Variants in PRR11 observed in about 807,000 individuals in gnomAD.
PRR11 encodes proline rich 11, also known as proline-rich protein 11.
A neutral mutation model predicts 45.6 loss-of-function variants in PRR11; 30 were observed. The ratio of observed to expected loss-of-function variants is 0.66; its 90% CI spans 0.49 to 0.89. The LOEUF is 0.89. Among genes scored for constraint, PRR11 ranks in the 40% least tolerant of loss-of-function variants. The pLI is 0.00. For synonymous variants in PRR11, 128 were observed against 153.5 expected, an observed-to-expected ratio of 0.83 and a Z score of 1.23; for missense variants, 373 against 424.8, an observed-to-expected ratio of 0.88 and a Z score of 1.07.
In PRR11 at chr17:59,181,684, G is replaced by A. The variant is rs908141834; in HGVS notation, c.129-3370G>A. The A allele has an allele frequency of 8.9e-5, 138 of 1,547,816 alleles. 2 individuals are homozygous for A. The South Asian group carries it at 1.4e-3, about 16-fold the overall frequency. ...CTCCGATGACTCCTCAGATTGGTCC[G>A]ACCACTCCCTCTTCCTTTTCCAGCA... On this transcript the variant is annotated intron_variant, in intron 2 of 9. Transcript: ENST00000262293.
At chr17:59,186,688 C>A (rs1234030151) in intron 4 of PRR11, among the ~76,000 whole-genome samples, 1 of 152,040 alleles carries the variant, frequency 6.6e-6, no homozygotes, top group Admixed American at 6.6e-5. Flanking sequence ...AGCCATGGCA[C>A]CTGGCTTGTT....
At chr17:59,172,622 C>T (rs780251957) in intron 2 of PRR11, among the ~76,000 whole-genome samples, 3 of 152,246 alleles carry the variant, frequency 2.0e-5, no homozygotes, top group South Asian at 2.1e-4. Flanking sequence ...TCTGAGCTGT[C>T]GGCTGCCCCG....
At position 59,181,799 on chromosome 17, in the gene PRR11, A is replaced by AGACCCC. The variant is rs890293231; in HGVS notation, c.129-3242_129-3237dup. ...TAATGCTTCTGCAACTGATCACCTT[A>AGACCCC]GACCCCGACCCCGACCCCAACCCCA... is the stretch of plus-strand genomic sequence containing the variant. On this transcript the variant is annotated intron_variant, in intron 2 of 9. Coordinates refer to ENST00000262293, the MANE Select transcript of PRR11 (RefSeq NM_018304.4). 135 of 1,544,018 alleles carry AGACCCC rather than the reference A, an allele frequency of 8.7e-5. 1 individual carries two copies. The East Asian group carries it at 2.9e-3, about 34-fold the overall frequency.
intron 4 of PRR11, among the ~76,000 whole-genome samples, chr17:59,192,917 C>A (rs1177074573): frequency 6.6e-6 from 1 of 151,966 alleles, no homozygotes; most frequent in African/African-American, 2.4e-5. Context: ...TATTTTTTTC[C>A]TCTGCAAGGA....
In PRR11 at chr17:59,155,750, A is replaced by T. The variant is rs1296681516; in HGVS notation, c.-61A>T. On this transcript the variant is annotated 5_prime_UTR_variant, in exon 1 of 10. The change abolishes an upstream ATG in the 5' untranslated region. Transcript: ENST00000262293. ...AGGATTTAATTTTGAATTTTTCTTT[A>T]TGGCGTGGGAGAGGCCACAGCCCGG... 6.1e-6 allele frequency: 1 copy of T among 162,666 alleles called. No homozygotes were observed. The highest frequency in any genetic ancestry group is 1.8e-4 in the East Asian group (1 of 5,576). The allele number at this position is 162,666 out of a possible 1,614,324, so 10.1% of individuals were successfully genotyped here. A position where few individuals can be genotyped will look rare whatever the true frequency, so the allele number is the denominator to read the frequency against.
chr17:59,162,551 T>TGTAATC (rs939515680), intron 1 of PRR11, among the ~76,000 whole-genome samples: 1 of 152,170 alleles, frequency 6.6e-6, no homozygotes, highest in Non-Finnish European at 1.5e-5. Context: ...ACCACCCCTC[T>TGTAATC]GTAATCCTGA....
chr17:59,193,792 G>A (rs1270238307), intron 5 of PRR11, 58 bp downstream of exon 5: 1 of 1,557,132 alleles, frequency 6.4e-7, no homozygotes, highest in Non-Finnish European at 8.8e-7. Flanking sequence ...GTGTAATATA[G>A]GAGTAAAGCC....
intron 2 of PRR11, chr17:59,179,774 T>G: frequency 7.3e-7 from 1 of 1,378,354 alleles, no homozygotes; most frequent in Non-Finnish European, 1.0e-6. Context: ...AGGGGCGAGC[T>G]CCTTCTCTGG....
intron 2 of PRR11, among the ~76,000 whole-genome samples, chr17:59,173,940 A>T (rs879752118): frequency 6.6e-6 from 1 of 152,238 alleles, no homozygotes; most frequent in Admixed American, 6.5e-5. Flanking sequence ...AGAGGATGTC[A>T]TACTTAAAGG....
At position 59,194,795 on chromosome 17, in the gene PRR11, A is replaced by T; in HGVS notation, c.684A>T (p.Thr228=). Residue 228 remains threonine (T), a synonymous_variant, in exon 6 of 10, where the codon ACA becomes ACT. Transcript: ENST00000262293. ...AAAAAGATGGACCCATGCAGATAAC[A>T]GTTAAAGATCTGCTGACTGTAAAAT... ...PLKKDGPMQI[T]VKDLLTVKLK... 1 of 1,614,004 alleles carries T rather than the reference A, an allele frequency of 6.2e-7. No individual in the cohort carries two copies. Among genetic ancestry groups the T allele is most frequent in the African/African-American group, 1.3e-5 (1 of 75,056 alleles).
chr17:59,178,457 TGGA>T (rs1476588099), intron 2 of PRR11: 8 of 511,602 alleles, frequency 1.6e-5, no homozygotes, highest in Non-Finnish European at 2.7e-5. Flanking sequence ...CACGGTTCCG[TGGA>T]GAACAAACTT....
At chr17:59,189,799 G>A (rs1218887146) in intron 4 of PRR11, among the ~76,000 whole-genome samples, 1 of 152,118 alleles carries the variant, frequency 6.6e-6, no homozygotes, top group Non-Finnish European at 1.5e-5. Flanking sequence ...GAAGTTTGCT[G>A]TGGGTGACAA....
At chr17:59,198,627 T>C (rs181327681) in intron 9 of PRR11, among the ~76,000 whole-genome samples, 28 of 151,718 alleles carry the variant, frequency 1.8e-4, no homozygotes, top group African/African-American at 6.5e-4. Flanking sequence ...TGAGCCAAGA[T>C]TGTGCCACTG....
intron 6 of PRR11, 72 bp from the exon 7 acceptor site, chr17:59,195,259 C>A: frequency 8.5e-7 from 1 of 1,183,200 alleles, no homozygotes; most frequent in South Asian, 1.3e-5. Context: ...AGATATTTGC[C>A]GTTTTTGCAT....
intron 4 of PRR11, among the ~76,000 whole-genome samples, chr17:59,193,044 G>A (rs1449480853): frequency 6.6e-6 from 1 of 152,086 alleles, no homozygotes; most frequent in Non-Finnish European, 1.5e-5. Flanking sequence ...ACACTTCGTT[G>A]CTCTTATTGA....
intron 2 of PRR11, among the ~76,000 whole-genome samples, chr17:59,175,970 G>A (rs1308509973): frequency 6.6e-6 from 1 of 152,170 alleles, no homozygotes; most frequent in Non-Finnish European, 1.5e-5. Context: ...CAGGCATCTA[G>A]TCTAATGGGA....
rs2046912735 is a variant in PRR11, at chr17:59,205,327, G to A, written c.*3696G>A. Among the ~76,000 whole-genome samples, 1 of 151,848 alleles carries A rather than the reference G, an allele frequency of 6.6e-6. No homozygotes were observed. The highest frequency in any genetic ancestry group is 6.6e-5 in the Admixed American group (1 of 15,220). On this transcript the variant is annotated 3_prime_UTR_variant, in exon 10 of 10. Transcript: ENST00000262293. ...AAACAACCAAGGTGCATCTGGTTATGTTTTAAAATAAAGATTAATAAAAGT... is the reference window on the plus strand; with the variant it reads ...AAACAACCAAGGTGCATCTGGTTATATTTTAAAATAAAGATTAATAAAAGT...
chr17:59,175,860 A>T (rs1722294817), intron 2 of PRR11, among the ~76,000 whole-genome samples: 1 of 152,180 alleles, frequency 6.6e-6, no homozygotes, highest in Non-Finnish European at 1.5e-5. Flanking sequence ...GTGAGCTATG[A>T]TCTCACCACT....
chr17:59,189,422 C>T (rs1298145414), intron 4 of PRR11, among the ~76,000 whole-genome samples: 1 of 152,078 alleles, frequency 6.6e-6, no homozygotes, highest in Non-Finnish European at 1.5e-5. Flanking sequence ...CAACCTCCGC[C>T]TTCTGGGTTC....
Sources: gnomAD v4.1 joint callset for allele counts (sites outside exome capture counted in the v4.1 genomes callset) on GRCh38, gnomAD v4.1.1 for gene constraint, MANE v1.5 for transcripts, NCBI Gene and HGNC (gene_info 2026-07-23, HGNC 2026-07-21) for gene names.